GRID2IP: variants seen among roughly 807,000 people sequenced by gnomAD.
GRID2IP encodes the protein Grid2 interacting protein.
A neutral mutation model predicts 114.3 loss-of-function variants in GRID2IP; 78 were observed. That is an observed-to-expected ratio of 0.68 (90% confidence interval 0.57 to 0.82). The LOEUF is 0.82. Among genes scored for constraint, GRID2IP ranks in the 40% least tolerant of loss-of-function variants. GRID2IP has a pLI of 0.00. For synonymous variants in GRID2IP, 809 were observed against 724.0 expected (o/e 1.12, Z -1.89); for missense variants, 1,727 against 1,678.5 (o/e 1.03, Z -0.51).
At position 6,544,778 on chromosome 7, in the gene GRID2IP, C is replaced by T. The variant is rs55994742; in HGVS notation, c.430-4906G>A. ...CCAGCCTGGGCAACATAACCAGACC[C>T]TGTCTCTAAAAAATGAAAGACAGCC... On this transcript the variant is annotated intron_variant, in intron 1 of 21. Coordinates refer to ENST00000457091, the MANE Select transcript of GRID2IP (RefSeq NM_001145118.2). Among the ~76,000 whole-genome samples, 1,080 of 152,198 alleles carry T rather than the reference C, an allele frequency of 7.1e-3. 15 individuals are homozygous for T. The highest frequency in any genetic ancestry group is 0.025 in the African/African-American group (1,052 of 41,530).
At chr7:6,498,711 C>T (rs1056131456) in intron 20 of GRID2IP, among the ~76,000 whole-genome samples, 3 of 151,800 alleles carry the variant, frequency 2.0e-5, no homozygotes, top group African/African-American at 2.4e-5. Flanking sequence ...CTCAGCCTCC[C>T]GAGCAGCTGG....
intron 2 of GRID2IP, chr7:6,531,051 C>G (rs937799728): frequency 1.6e-6 from 1 of 644,294 alleles, no homozygotes; most frequent in Non-Finnish European, 2.8e-6. Context: ...AGGCGCGGGA[C>G]GCGATGGGGA....
intron 9 of GRID2IP, 47 bp downstream of exon 9, chr7:6,510,861 G>A (rs926141280): frequency 4.6e-6 from 7 of 1,534,700 alleles, no homozygotes; most frequent in Middle Eastern, 1.7e-4. Flanking sequence ...TTTTGCAGGT[G>A]GGAAAACTGA....
At chr7:6,546,279 G>A (rs1486546470) in intron 1 of GRID2IP, among the ~76,000 whole-genome samples, 1 of 150,924 alleles carries the variant, frequency 6.6e-6, no homozygotes, top group Admixed American at 6.6e-5. Flanking sequence ...CCAACATGGT[G>A]AAACCCCATC....
intron 20 of GRID2IP, 58 bp from the exon 21 acceptor site, chr7:6,498,286 G>C: frequency 6.8e-7 from 1 of 1,462,590 alleles, no homozygotes; most frequent in Non-Finnish European, 9.1e-7. Context: ...GGTCTCAGGT[G>C]GTGGCCCGAC....
chr7:6,514,365 G>C lies in GRID2IP; in HGVS notation c.1423+10C>G. 1 of 1,496,034 alleles carries C rather than the reference G, an allele frequency of 6.7e-7. No homozygotes were observed. The highest frequency in any genetic ancestry group is 9.0e-7 in the Non-Finnish European group (1 of 1,114,776). The allele number at this position is 1,496,034 out of a possible 1,614,324, so 92.7% of individuals were successfully genotyped here. A position where few individuals can be genotyped will look rare whatever the true frequency, so the allele number is the denominator to read the frequency against. On this transcript the variant is annotated intron_variant, in intron 8 of 21. Transcript: ENST00000457091. ...GCAGGCAGGGAAGTGGCAGGGGAGA[G>C]GACGCTTACCTGTCATGGCCGTGTA... is the stretch of plus-strand genomic sequence containing the variant.
intron 1 of GRID2IP, among the ~76,000 whole-genome samples, chr7:6,542,956 C>T (rs752052172): frequency 2.6e-5 from 4 of 152,272 alleles, no homozygotes; most frequent in Non-Finnish European, 5.9e-5. Context: ...GAGTCGTTCA[C>T]GTCTCCCTCT....
chr7:6,544,607 C>A (rs965476351), intron 1 of GRID2IP, among the ~76,000 whole-genome samples: 1 of 152,018 alleles, frequency 6.6e-6, no homozygotes, highest in Admixed American at 6.6e-5. Context: ...ATCTACTTCT[C>A]CATTCCCTGC....
intron 1 of GRID2IP, among the ~76,000 whole-genome samples, chr7:6,542,220 G>A (rs763837692): frequency 1.4e-5 from 2 of 145,764 alleles, no homozygotes; most frequent in Non-Finnish European, 3.0e-5. Flanking sequence ...CAGGAGAATC[G>A]CTTGAACCCA....
Position 6,523,545 on chromosome 7 carries a change from G to C in GRID2IP, c.920-1588C>G, listed in dbSNP as rs1056744349. Among the ~76,000 whole-genome samples the C allele has an allele frequency of 1.3e-4, 20 of 152,016 alleles. No homozygotes were observed. The highest frequency in any genetic ancestry group is 3.3e-4 in the Admixed American group (5 of 15,238). Reference sequence around the variant, plus strand: ...CATGGGATCACTGGCTTGAAGGTTGGGTTGGGAAGAACAGCAGACCTGGAT... The same window carrying C: ...CATGGGATCACTGGCTTGAAGGTTGCGTTGGGAAGAACAGCAGACCTGGAT... On this transcript the variant is annotated intron_variant, in intron 4 of 21. Coordinates refer to ENST00000457091, the MANE Select transcript of GRID2IP (RefSeq NM_001145118.2). This position sits in a 1 kb window ranked among gnomAD's most constrained non-coding sequence, Gnocchi z 4.5.
rs1188964252 is a variant in GRID2IP at position 6,532,179 on chromosome 7, G to A, written c.585-5410C>T. On this transcript the variant is annotated intron_variant, in intron 2 of 21. Transcript: ENST00000457091. This position sits in a 1 kb window ranked among gnomAD's most constrained non-coding sequence, Gnocchi z 4.4. ...TGCGTGTCATGTCTCAAGGAGTCCC[G>A]ACTGCCTCTGGAGAGGCCCAGAATC... 1.1e-4 allele frequency among the ~76,000 whole-genome samples: 17 copies of A among 152,080 alleles called. No individual in the cohort carries two copies. The highest frequency in any genetic ancestry group is 1.0e-3 in the Admixed American group (16 of 15,264).
Position 6,509,924 on chromosome 7 carries a change from G to C in GRID2IP, c.1771+359C>G, listed in dbSNP as rs896810721. ...GCTCACTGCAGCCTTGAACTCCTGGGCTCAAGTGATCCTCCCGCCTCAGCC... is the reference window on the plus strand; with the variant it reads ...GCTCACTGCAGCCTTGAACTCCTGGCCTCAAGTGATCCTCCCGCCTCAGCC... On this transcript the variant is annotated intron_variant, in intron 11 of 21. Coordinates refer to ENST00000457091, the MANE Select transcript of GRID2IP (RefSeq NM_001145118.2). The surrounding 1 kb of genome is among the most constrained non-coding windows in gnomAD (Gnocchi z 4.9). Among the ~76,000 whole-genome samples, 2 of 152,282 alleles carry C rather than the reference G, an allele frequency of 1.3e-5. No homozygotes were observed. Among genetic ancestry groups the C allele is most frequent in the Middle Eastern group, 3.4e-3 (1 of 294 alleles).
Position 6,507,542 on chromosome 7 carries a change from C to G in GRID2IP, c.2544+443G>C, listed in dbSNP as rs553050957. 5.3e-5 allele frequency among the ~76,000 whole-genome samples: 8 copies of G among 152,286 alleles called. No individual in the cohort carries two copies. In the East Asian group the frequency reaches 1.5e-3, roughly 29 times the overall value. ...AAGACAAAGGATGGTTAAAATCGTC[C>G]AGTGAGGAAAGGAAGACCTTGACAG... On this transcript the variant is annotated intron_variant, in intron 13 of 21. Coordinates refer to ENST00000457091, the MANE Select transcript of GRID2IP (RefSeq NM_001145118.2). This position sits in a 1 kb window ranked among gnomAD's most constrained non-coding sequence, Gnocchi z 5.3.
chr7:6,503,034 T>C lies in GRID2IP; in HGVS notation c.3037A>G (p.Ser1013Gly). 1.9e-6 allele frequency: 3 copies of C among 1,551,558 alleles called. No individual in the cohort carries two copies. Among genetic ancestry groups the C allele is most frequent in the Non-Finnish European group, 2.6e-6 (3 of 1,146,974 alleles). Residue 1013 changes from serine to glycine, a missense_variant, in exon 17 of 22, where the codon AGT (serine) becomes GGT (glycine). Transcript: ENST00000457091. ...LRQASLELKN[S>G]RKLAKILEFV... ...TCCAGGATCTTGGCGAGCTTCCGACTGTTTTTGAGCTCCAGGGAGGCCTGG... is the reference window on the plus strand; with the variant it reads ...TCCAGGATCTTGGCGAGCTTCCGACCGTTTTTGAGCTCCAGGGAGGCCTGG...
At chr7:6,549,404 C>T (rs1382398311) in intron 1 of GRID2IP, among the ~76,000 whole-genome samples, 2 of 152,196 alleles carry the variant, frequency 1.3e-5, no homozygotes, top group East Asian at 3.8e-4. Flanking sequence ...CCAGGCTCCT[C>T]ATTCTTAATC....
chr7:6,550,706 G>C (rs1244845859), intron 1 of GRID2IP, among the ~76,000 whole-genome samples: 1 of 149,962 alleles, frequency 6.7e-6, no homozygotes, highest in Non-Finnish European at 1.5e-5. Flanking sequence ...GCAAACGCCT[G>C]TAATCTCAAT....
In GRID2IP at chr7:6,536,757, C is replaced by A; in HGVS notation, c.584+2961G>T. On this transcript the variant is annotated intron_variant, in intron 2 of 21. Coordinates refer to ENST00000457091, the MANE Select transcript of GRID2IP (RefSeq NM_001145118.2). The surrounding 1 kb of genome is among the most constrained non-coding windows in gnomAD (Gnocchi z 5.3). ...CAGCGCATCATCTCCGCGGCAAATT[C>A]GGCTCTAGAAATAACTTTTTTCCTT... 1 of 700,830 alleles carries A rather than the reference C, an allele frequency of 1.4e-6. No homozygotes were observed. The highest frequency in any genetic ancestry group is 2.6e-6 in the Non-Finnish European group (1 of 383,644). The allele number at this position is 700,830 out of a possible 1,614,324, so 43.4% of individuals were successfully genotyped here. A position where few individuals can be genotyped will look rare whatever the true frequency, so the allele number is the denominator to read the frequency against.
intron 1 of GRID2IP, among the ~76,000 whole-genome samples, chr7:6,546,367 G>A (rs1447601754): frequency 2.0e-5 from 3 of 150,898 alleles, no homozygotes; most frequent in African/African-American, 2.4e-5. Context: ...GTGAGCCACC[G>A]TGCCCAGCCA....
At chr7:6,525,075 C>T (rs1032519956) in intron 4 of GRID2IP, among the ~76,000 whole-genome samples, 50 of 152,108 alleles carry the variant, frequency 3.3e-4, no homozygotes, top group Admixed American at 6.5e-4. Context: ...GAGGCCAAGA[C>T]GGGTGGATCA....
Sources: gnomAD v4.1 joint callset for allele counts (sites outside exome capture counted in the v4.1 genomes callset) on GRCh38, gnomAD v4.1.1 for gene constraint, Gnocchi (gnomAD v3.1) non-coding constraint, MANE v1.5 for transcripts, NCBI Gene and HGNC (gene_info 2026-07-23, HGNC 2026-07-21) for gene names.